SPOUT1: variants seen among roughly 807,000 people sequenced by gnomAD.
The protein encoded by SPOUT1 is SPOUT domain containing methyltransferase 1.
A neutral mutation model predicts 54.8 loss-of-function variants in SPOUT1; 40 were observed. The observed-to-expected ratio is 0.73, with a 90% CI of 0.57 to 0.95. The LOEUF is 0.95. SPOUT1 is among the 40% of genes least tolerant of loss of function. The probability of loss-of-function intolerance (pLI) is 0.00; values close to 1 mark genes in which losing one functional copy is unlikely to be tolerated. For synonymous variants in SPOUT1, 193 were observed against 200.3 expected, an observed-to-expected ratio of 0.96 and a Z score of 0.31; for missense variants, 437 against 499.5, an observed-to-expected ratio of 0.87 and a Z score of 1.19.
chr9:128,826,291 T>G lies in SPOUT1; in HGVS notation c.508+93A>C. 1 of 1,564,216 alleles carries G rather than the reference T, an allele frequency of 6.4e-7. No homozygotes were observed. Among genetic ancestry groups the G allele is most frequent in the Non-Finnish European group, 8.8e-7 (1 of 1,135,584 alleles). On this transcript the variant is annotated intron_variant, in intron 6 of 11. Transcript: ENST00000361256. This position sits in a 1 kb window ranked among gnomAD's most constrained non-coding sequence, Gnocchi z 5.5. ...CAGGTCTTGCTCTCCCAGGCCTGCT[T>G]TCCCACCTGGACAGCGCAGGGTAGG...
Position 128,820,823 on chromosome 9 carries a change from T to C in SPOUT1, c.*1942A>G. 6.2e-7 allele frequency: 1 copy of C among 1,611,280 alleles called. No individual in the cohort carries two copies. The highest frequency in any genetic ancestry group is 1.3e-5 in the African/African-American group (1 of 74,968). ...CCGCAGCTACCAAAACGTCTATGTC[T>C]GCACAGGGCCACTCTTCCTGCCCAG... On this transcript the variant is annotated 3_prime_UTR_variant, in exon 12 of 12. Coordinates refer to ENST00000361256, the MANE Select transcript of SPOUT1 (RefSeq NM_016390.4).
Position 128,826,114 on chromosome 9 carries a change from G to C in SPOUT1, c.547C>G (p.Gln183Glu). 1 of 1,612,798 alleles carries C rather than the reference G, an allele frequency of 6.2e-7. No homozygotes were observed. Among genetic ancestry groups the C allele is most frequent in the Non-Finnish European group, 8.5e-7 (1 of 1,179,288 alleles). The change falls in exon 7 of 12, where the codon CAG (glutamine) becomes GAG (glutamate). Residue 183 changes from glutamine to glutamate, a missense_variant. By Grantham distance (29) the Gln-to-Glu change is conservative. Transcript: ENST00000361256. The surrounding 1 kb of genome is among the most constrained non-coding windows in gnomAD (Gnocchi z 5.5). The part of the protein sequence containing the change: ...NPLDSPHHMR[Q>E]DEESEFREGI... ...TCTCGGAACTCGGATTCCTCATCCTGACGCATGTGGTGGGGGCTGTCCAGG... is the reference window on the plus strand; with the variant it reads ...TCTCGGAACTCGGATTCCTCATCCTCACGCATGTGGTGGGGGCTGTCCAGG...
Position 128,821,333 on chromosome 9 carries a change from C to T in SPOUT1, c.*1432G>A, listed in dbSNP as rs1830112751. On this transcript the variant is annotated 3_prime_UTR_variant, in exon 12 of 12. Coordinates refer to ENST00000361256, the MANE Select transcript of SPOUT1 (RefSeq NM_016390.4). ...CTTCCCCATGCAGGTCCCCAGTGCA[C>T]CGAGCTCTCACGCCTTCCCCATGCA... 5.5e-6 allele frequency: 1 copy of T among 180,800 alleles called. No homozygotes were observed. The highest frequency in any genetic ancestry group is 1.2e-5 in the Non-Finnish European group (1 of 86,074). 11.2% of individuals were successfully genotyped at this position (180,800 alleles called of 1,614,324 possible).
chr9:128,828,876 T>G lies in SPOUT1; in HGVS notation c.83-16A>C. 6.2e-7 allele frequency: 1 copy of G among 1,613,986 alleles called. No individual in the cohort carries two copies. Among genetic ancestry groups the G allele is most frequent in the African/African-American group, 1.3e-5 (1 of 74,996 alleles). ...TCCTCTTTCTCTGGATAAAAGAACATCCTAATTGGCCAAGGAGACAGTTCC... is the reference window on the plus strand; with the variant it reads ...TCCTCTTTCTCTGGATAAAAGAACAGCCTAATTGGCCAAGGAGACAGTTCC... On this transcript the variant is annotated splice_polypyrimidine_tract_variant and intron_variant, in intron 2 of 11. Coordinates refer to ENST00000361256, the MANE Select transcript of SPOUT1 (RefSeq NM_016390.4).
intron 7 of SPOUT1, 42 bp from the exon 8 acceptor site, chr9:128,825,091 A>T: frequency 6.9e-7 from 1 of 1,441,400 alleles, no homozygotes; most frequent in Non-Finnish European, 9.5e-7. Flanking sequence ...TCCTCTCAAG[A>T]TCAGCAGGGG....
rs1261476615 is a variant in SPOUT1, at chr9:128,820,509, T to C, written c.*2256A>G. 5.6e-6 allele frequency: 3 copies of C among 539,416 alleles called. No homozygotes were observed. The highest frequency in any genetic ancestry group is 9.9e-6 in the Non-Finnish European group (3 of 301,860). 33.4% of individuals were successfully genotyped at this position (539,416 alleles called of 1,614,324 possible). On this transcript the variant is annotated 3_prime_UTR_variant, in exon 12 of 12. Transcript: ENST00000361256. ...CTTCCTTCATTCGACTCTTGGGAGC[T>C]GAGAAAAGACTTTGACACCTGGGCT... is the stretch of plus-strand genomic sequence containing the variant.
At chr9:128,824,904 A>C in intron 8 of SPOUT1, 35 bp from the exon 9 acceptor site, 1 of 1,599,798 alleles carries the variant, frequency 6.3e-7, no homozygotes, top group Middle Eastern at 1.7e-4. Flanking sequence ...AGATGGGGTG[A>C]GGGAATGGAA....
Position 128,826,449 on chromosome 9 carries a change from G to A in SPOUT1, c.459-16C>T. 6.2e-7 allele frequency: 1 copy of A among 1,613,850 alleles called. No individual in the cohort carries two copies. Among genetic ancestry groups the A allele is most frequent in the Admixed American group, 1.7e-5 (1 of 60,020 alleles). On this transcript the variant is annotated splice_polypyrimidine_tract_variant and intron_variant, in intron 5 of 11. Transcript: ENST00000361256. The surrounding 1 kb of genome is among the most constrained non-coding windows in gnomAD (Gnocchi z 5.5). ...CCTCAGGTACCTAGGAAAGAATGCTGACCTCAGGATGTTCCCAGGGGAAGC... is the reference window on the plus strand; with the variant it reads ...CCTCAGGTACCTAGGAAAGAATGCTAACCTCAGGATGTTCCCAGGGGAAGC...
At position 128,821,393 on chromosome 9, in the gene SPOUT1, A is replaced by G. The variant is rs1164182609; in HGVS notation, c.*1372T>C. 1 of 80,682 alleles carries G rather than the reference A, an allele frequency of 1.2e-5. No individual in the cohort carries two copies. Among genetic ancestry groups the G allele is most frequent in the East Asian group, 4.0e-4 (1 of 2,520 alleles). The allele number at this position is 80,682 out of a possible 1,614,324, so 5.0% of individuals were successfully genotyped here. A position where few individuals can be genotyped will look rare whatever the true frequency, so the allele number is the denominator to read the frequency against. The stretch of plus-strand genomic sequence containing the variant: ...TGCACCGAGCTCTCCCGCCTTCCCC[A>G]TGCAGGTCCCCAGTGCACCGAGCTC... On this transcript the variant is annotated 3_prime_UTR_variant, in exon 12 of 12. Transcript: ENST00000361256.
chr9:128,828,195 T>G (rs1396624734), intron 3 of SPOUT1, among the ~76,000 whole-genome samples: 3 of 151,908 alleles, frequency 2.0e-5, no homozygotes, highest in African/African-American at 7.3e-5. Flanking sequence ...GAGGTCTAAG[T>G]TAAGAGATAT....
intron 3 of SPOUT1, 31 bp from the exon 4 acceptor site, chr9:128,827,222 G>A (rs1260742327): frequency 1.9e-6 from 3 of 1,585,888 alleles, no homozygotes; most frequent in South Asian, 2.2e-5. Context: ...CCCAGCCAGT[G>A]TGAGAGGCAA....
At chr9:128,823,550 G>A (rs1260977058) in intron 11 of SPOUT1, among the ~76,000 whole-genome samples, 197 bp downstream of exon 11, 1 of 152,154 alleles carries the variant, frequency 6.6e-6, no homozygotes, top group Non-Finnish European at 1.5e-5. Flanking sequence ...AGCACAGGAC[G>A]GGCACTAGCA....
At chr9:128,829,373 C>G (rs912230761) in intron 1 of SPOUT1, among the ~76,000 whole-genome samples, 2 of 152,216 alleles carry the variant, frequency 1.3e-5, no homozygotes, top group African/African-American at 4.8e-5. Context: ...ACTCAAGAAA[C>G]TGTCGAATGA....
rs189431388 is a variant in SPOUT1, at chr9:128,822,125, G to A, written c.*640C>T. 4.8e-6 allele frequency: 3 copies of A among 625,510 alleles called. No individual in the cohort carries two copies. The highest frequency in any genetic ancestry group is 3.0e-5 in the Admixed American group (1 of 33,794). 38.7% of individuals were successfully genotyped at this position (625,510 alleles called of 1,614,324 possible). ...CTGCCTGACCCAGTGTTGGGCATAAGGAAAACAGAGGGAAAGAGTTAACCA... is the reference window on the plus strand; with the variant it reads ...CTGCCTGACCCAGTGTTGGGCATAAAGAAAACAGAGGGAAAGAGTTAACCA... On this transcript the variant is annotated 3_prime_UTR_variant, in exon 12 of 12. Transcript: ENST00000361256.
At position 128,822,226 on chromosome 9, in the gene SPOUT1, G is replaced by C. The variant is rs1830133687; in HGVS notation, c.*539C>G. 2 of 1,428,990 alleles carry C rather than the reference G, an allele frequency of 1.4e-6. No homozygotes were observed. The highest frequency in any genetic ancestry group is 2.8e-5 in the African/African-American group (2 of 71,062). 88.5% of individuals were successfully genotyped at this position (1,428,990 alleles called of 1,614,324 possible). A position where few individuals can be genotyped will look rare whatever the true frequency, so the allele number is the denominator to read the frequency against. ...CTCACAGTGAGGGCGTGGTCCTGCA[G>C]GTTGACAGAAGTTAGAGGACAGATC... On this transcript the variant is annotated 3_prime_UTR_variant, in exon 12 of 12. Coordinates refer to ENST00000361256, the MANE Select transcript of SPOUT1 (RefSeq NM_016390.4).
rs538772546 is a variant in SPOUT1 at position 128,826,223 on chromosome 9, G to A, written c.509-71C>T. ...CAGGGTGCAGTGGGGACCCTGGAGC[G>A]GAGTACCGGCTCTGCCACAGACCTG... is the stretch of plus-strand genomic sequence containing the variant. On this transcript the variant is annotated intron_variant, in intron 6 of 11. Coordinates refer to ENST00000361256, the MANE Select transcript of SPOUT1 (RefSeq NM_016390.4). This position sits in a 1 kb window ranked among gnomAD's most constrained non-coding sequence, Gnocchi z 5.5. 1.5e-5 allele frequency: 24 copies of A among 1,559,704 alleles called. No homozygotes were observed. The East Asian group carries it at 3.1e-4, about 20-fold the overall frequency.
chr9:128,829,109 C>CT lies in SPOUT1; in HGVS notation c.82dup (p.Lys29GlufsTer83). Reference sequence around the variant, plus strand: ...AGATACTCTTACCCACCCTTACTTACTCTGTTGCTTCCATTTTCGCCACTC... The same window carrying CT: ...AGATACTCTTACCCACCCTTACTTACTTCTGTTGCTTCCATTTTCGCCACTC... On this transcript the variant is annotated frameshift_variant and splice_region_variant. Transcript: ENST00000361256. LOFTEE classifies it high-confidence loss of function. 1 of 1,613,674 alleles carries CT rather than the reference C, an allele frequency of 6.2e-7. No individual in the cohort carries two copies. Among genetic ancestry groups the CT allele is most frequent in the African/African-American group, 1.3e-5 (1 of 75,054 alleles).
chr9:128,820,566 C>CT lies in SPOUT1; in HGVS notation c.*2198dup, dbSNP rs759758672. The CT allele has an allele frequency of 1.8e-5, 11 of 618,942 alleles. No homozygotes were observed. The highest frequency in any genetic ancestry group is 1.5e-4 in the African/African-American group (8 of 54,454). 38.3% of individuals were successfully genotyped at this position (618,942 alleles called of 1,614,324 possible). A position where few individuals can be genotyped will look rare whatever the true frequency, so the allele number is the denominator to read the frequency against. ...GGGACAGAGGGTGGTGGCTAGCACT[C>CT]TATCAGCCCTGGGTTTCAGGGAGTG... On this transcript the variant is annotated 3_prime_UTR_variant, in exon 12 of 12. Transcript: ENST00000361256.
In SPOUT1 at chr9:128,826,475, C is replaced by T. The variant is rs188892704; in HGVS notation, c.459-42G>A. The T allele has an allele frequency of 1.9e-5, 30 of 1,611,474 alleles. No individual in the cohort carries two copies. Among genetic ancestry groups the T allele is most frequent in the Non-Finnish European group, 2.4e-5 (28 of 1,177,752 alleles). ...ACCTCAGGATGTTCCCAGGGGAAGC[C>T]GCCTCCTACCTGGTCTCCACTTTGA... On this transcript the variant is annotated intron_variant, in intron 5 of 11. Coordinates refer to ENST00000361256, the MANE Select transcript of SPOUT1 (RefSeq NM_016390.4). The surrounding 1 kb of genome is among the most constrained non-coding windows in gnomAD (Gnocchi z 5.5).
Sources: allele counts gnomAD v4.1 joint callset (sites outside exome capture counted in the v4.1 genomes callset), GRCh38; gene constraint gnomAD v4.1.1; non-coding constraint Gnocchi (gnomAD v3.1); transcripts MANE v1.5; gene names NCBI Gene and HGNC (gene_info 2026-07-23, HGNC 2026-07-21).